The following UGT3A1 variants were observed in gnomAD, a reference collection of about 807,000 sequenced individuals.
UGT3A1 encodes the protein UDP glycosyltransferase family 3 member A1.
UGT3A1 carries 40 observed loss-of-function variants against 37.6 expected under a neutral mutation model. The observed-to-expected ratio is 1.06, with a 90% confidence interval of 0.83 to 1.38. The LOEUF is 1.38. Ranked by LOEUF, UGT3A1 falls within the 40% of genes most tolerant of loss-of-function variation. The probability of loss-of-function intolerance (pLI) is 0.00; values close to 1 mark genes in which losing one functional copy is unlikely to be tolerated. For synonymous variants in UGT3A1, 256 were observed against 232.3 expected, an observed-to-expected ratio of 1.10 and a Z score of -0.93; for missense variants, 642 against 634.2, an observed-to-expected ratio of 1.01 and a Z score of -0.13.
chr5:35,958,304 T>C (rs1293984912), intron 4 of UGT3A1, among the ~76,000 whole-genome samples: 1 of 152,214 alleles, frequency 6.6e-6, no homozygotes, highest in Non-Finnish European at 1.5e-5. Context: ...CCCTAAAACT[T>C]AGCTCTAGCA....
In UGT3A1 at chr5:35,951,898, T is replaced by C. The variant is rs192058590; in HGVS notation, c.*2304A>G. The C allele has an allele frequency of 2.0e-4, 31 of 152,352 alleles. No homozygotes were observed. Among genetic ancestry groups the C allele is most frequent in the African/African-American group, 7.2e-4 (30 of 41,570 alleles). 9.4% of individuals were successfully genotyped at this position (152,352 alleles called of 1,614,324 possible). On this transcript the variant is annotated 3_prime_UTR_variant, in exon 7 of 7. Transcript: ENST00000274278. ...AGTCTGGATCAAATATTGCCTTTTT[T>C]CTCAATATTATCCAGTTGTCCTAGC...
At chr5:35,996,719 A>G (rs1249160999) in intron 2 of UGT3A1, among the ~76,000 whole-genome samples, 3 of 152,232 alleles carry the variant, frequency 2.0e-5, no homozygotes, top group Non-Finnish European at 4.4e-5. Context: ...ACAATGTACC[A>G]CAATTTAGCA....
At chr5:36,001,022 T>TC (rs1323053589) in exon 1 of UGT3A1, 2 of 152,156 alleles carry the variant, frequency 1.3e-5, no homozygotes, top group African/African-American at 2.4e-5. Context: ...ATGGTGGGTA[T>TC]CCCCCTTCCA....
chr5:35,955,781 C>T lies in UGT3A1; in HGVS notation c.1159G>A (p.Gly387Arg), dbSNP rs866339794. 6.2e-7 allele frequency: 1 copy of T among 1,614,164 alleles called. No homozygotes were observed. The highest frequency in any genetic ancestry group is 8.5e-7 in the Non-Finnish European group (1 of 1,180,042). Residue 387 changes from glycine to arginine, a missense_variant, in exon 6 of 7, where the codon GGA becomes AGA. By Grantham distance (125) the Gly-to-Arg change is moderately radical. Transcript: ENST00000274278. ...EAIRHGVPMV[G>R]LPVNGDQHGN... ...TGCTGGTCTCCATTGACTGGTAATC[C>T]CACCATGGGCACACCATGACGGATG... is the stretch of plus-strand genomic sequence containing the variant.
intron 2 of UGT3A1, among the ~76,000 whole-genome samples, chr5:35,977,807 C>A (rs371213379): frequency 1.2e-4 from 18 of 152,204 alleles, no homozygotes; most frequent in African/African-American, 4.3e-4. Flanking sequence ...GAATACATAC[C>A]TTATAATCCC....
At chr5:35,964,121 AAAT>A (rs1739701532) in intron 4 of UGT3A1, among the ~76,000 whole-genome samples, 1 of 152,208 alleles carries the variant, frequency 6.6e-6, no homozygotes, top group Non-Finnish European at 1.5e-5. Flanking sequence ...TTTATATTAT[AAAT>A]ATTTGTCCAC....
chr5:35,997,263 G>GTC (rs1032473174), exon 2 of UGT3A1: 3 of 152,126 alleles, frequency 2.0e-5, no homozygotes, highest in Non-Finnish European at 4.4e-5. Flanking sequence ...TCAGTTGTGG[G>GTC]TCTCTGCAGT....
chr5:35,988,352 GAT>G (rs757200994), intron 2 of UGT3A1, 96 bp downstream of exon 2: 109 of 804,142 alleles, frequency 1.4e-4, no homozygotes, highest in Non-Finnish European at 2.0e-4. Context: ...AATAAGACTA[GAT>G]TCAAAGAAGT....
At chr5:35,980,659 A>G (rs1002582929) in intron 2 of UGT3A1, among the ~76,000 whole-genome samples, 6 of 152,218 alleles carry the variant, frequency 3.9e-5, no homozygotes, top group Admixed American at 2.0e-4. Context: ...GTAAAGATCT[A>G]AAGATAAGCT....
chr5:35,963,029 A>AAAGC (rs1739653455), intron 4 of UGT3A1: 1 of 678,320 alleles, frequency 1.5e-6, no homozygotes, highest in African/African-American at 1.8e-5. Flanking sequence ...AGGGAGAGAG[A>AAAGC]AAGCAAGGGA....
At position 35,974,760 on chromosome 5, in the gene UGT3A1, A is replaced by T. The variant is rs1740193465; in HGVS notation, c.197-6627T>A. ...CCCGTTAGTCAAGTCCATCAAAGAC[A>T]GTTTGCTTTTATCTAACAAGGTCAG... On this transcript the variant is annotated intron_variant, in intron 2 of 6. Coordinates refer to ENST00000274278, the MANE Select transcript of UGT3A1 (RefSeq NM_152404.4). 2.0e-5 allele frequency among the ~76,000 whole-genome samples: 3 copies of T among 152,208 alleles called. No homozygotes were observed. In the South Asian group the frequency reaches 6.2e-4, roughly 31 times the overall value.
chr5:35,994,387 C>T (rs1274103083), upstream of UGT3A1, among the ~76,000 whole-genome samples: 1 of 136,774 alleles, frequency 7.3e-6, no homozygotes, highest in Admixed American at 7.6e-5. Context: ...CGGTTCTTTC[C>T]CCTATCAGGT....
intron 1 of UGT3A1, among the ~76,000 whole-genome samples, chr5:35,999,197 A>G (rs1245565022): frequency 6.8e-6 from 1 of 147,684 alleles, no homozygotes; most frequent in African/African-American, 2.5e-5. Context: ...AGATCACACC[A>G]CTGCACTCCA....
intron 1 of UGT3A1, 151 bp from the exon 2 acceptor site, chr5:35,988,702 T>A (rs539050611): frequency 1.7e-6 from 1 of 598,808 alleles, no homozygotes; most frequent in African/African-American, 1.9e-5. Context: ...GCGCTTCCTG[T>A]TCCTCAATCT....
intron 1 of UGT3A1, among the ~76,000 whole-genome samples, chr5:35,999,876 C>T (rs1412578588): frequency 6.6e-6 from 1 of 152,136 alleles, no homozygotes; most frequent in Non-Finnish European, 1.5e-5. Flanking sequence ...TGGGTTGAAG[C>T]TTTTCCCTGC....
intron 1 of UGT3A1, among the ~76,000 whole-genome samples, chr5:35,999,859 T>C (rs1439159438): frequency 3.3e-5 from 5 of 152,204 alleles, no homozygotes; most frequent in Non-Finnish European, 5.9e-5. Flanking sequence ...TCTGCATGTT[T>C]TTCCATTGGG....
intron 4 of UGT3A1, among the ~76,000 whole-genome samples, chr5:35,958,101 C>A (rs919944750): frequency 6.6e-6 from 1 of 151,972 alleles, no homozygotes; most frequent in African/African-American, 2.4e-5. Context: ...GATGATATTT[C>A]ATATATTATT....
intron 2 of UGT3A1, among the ~76,000 whole-genome samples, chr5:35,968,722 C>T (rs1176417865): frequency 6.6e-6 from 1 of 152,054 alleles, no homozygotes; most frequent in African/African-American, 2.4e-5. Flanking sequence ...ACTGCTGACT[C>T]CTTTCCAGCC....
Position 35,957,278 on chromosome 5 carries a change from A to C in UGT3A1, c.985T>G (p.Trp329Gly). 6.2e-7 allele frequency: 1 copy of C among 1,614,162 alleles called. No individual in the cohort carries two copies. Among genetic ancestry groups the C allele is most frequent in the South Asian group, 1.1e-5 (1 of 91,074 alleles). Residue 329 changes from tryptophan to glycine, a missense_variant, in exon 5 of 7, where the codon TGG (tryptophan) becomes GGG (glycine). Transcript: ENST00000274278. Reference protein sequence around the residue: ...AFAHLPQGVIWTCQSSHWPRD... With the variant: ...AFAHLPQGVIGTCQSSHWPRD... ...GGCCAATGAGAACTCTGACATGTCC[A>C]TATCACTCCTTGAGGGAGGTGGGCA...
Sources: allele counts gnomAD v4.1 joint callset (sites outside exome capture counted in the v4.1 genomes callset), GRCh38; gene constraint gnomAD v4.1.1; transcripts MANE v1.5; gene names NCBI Gene and HGNC (gene_info 2026-07-23, HGNC 2026-07-21).